Variants in SPTB observed in about 807,000 individuals in gnomAD.
SPTB encodes the protein spectrin beta, erythrocytic.
A neutral mutation model predicts 256.2 loss-of-function variants in SPTB; 45 were observed. The ratio of observed to expected loss-of-function variants is 0.18; its 90% CI spans 0.14 to 0.23. The LOEUF is 0.23. Among genes scored for constraint, SPTB ranks in the 10% least tolerant of loss-of-function variants. The probability of loss-of-function intolerance (pLI) is 1.00; values close to 1 mark genes in which losing one functional copy is unlikely to be tolerated. For missense variants in SPTB, 2,715 were observed against 3,040.4 expected, an observed-to-expected ratio of 0.89 and a Z score of 2.52; for synonymous variants, 1,231 against 1,243.1, an observed-to-expected ratio of 0.99 and a Z score of 0.21.
rs914033232 is a variant in SPTB, at chr14:64,823,302, C to T, written c.-51-157G>A. On this transcript the variant is annotated intron_variant, in intron 1 of 35. Transcript: ENST00000644917. The surrounding 1 kb of genome is among the most constrained non-coding windows in gnomAD (Gnocchi z 6.5). ...GTGCTTCCTACCAGGGTCTCTGGGT[C>T]GTTTGTTATAAAATATTGCAGCAGC... Among the ~76,000 whole-genome samples, 13 of 152,246 alleles carry T rather than the reference C, an allele frequency of 8.5e-5. No homozygotes were observed. Among genetic ancestry groups the T allele is most frequent in the South Asian group, 4.1e-4 (2 of 4,828 alleles).
chr14:64,859,718 CTCTA>C (rs2083932259), intron 1 of SPTB, among the ~76,000 whole-genome samples: 3 of 19,494 alleles, frequency 1.5e-4, no homozygotes, highest in African/African-American at 3.5e-4. Flanking sequence ...CTCTCTCTCT[CTCTA>C]TATATATATA....
chr14:64,871,121 G>C (rs10498519), intron 1 of SPTB, among the ~76,000 whole-genome samples: 15,382 of 152,206 alleles, frequency 0.1, 974 homozygotes, highest in Non-Finnish European at 0.14. Flanking sequence ...CATATACAAA[G>C]AAAGTTAATA....
chr14:64,870,429 T>A (rs1882461049), intron 1 of SPTB, among the ~76,000 whole-genome samples: 2 of 152,182 alleles, frequency 1.3e-5, no homozygotes, highest in Non-Finnish European at 2.9e-5. Context: ...ATTTTTTAGC[T>A]GAAATAAAAC....
intron 2 of SPTB, among the ~76,000 whole-genome samples, chr14:64,822,591 C>T (rs1163217760): frequency 6.6e-6 from 1 of 151,988 alleles, no homozygotes; most frequent in Non-Finnish European, 1.5e-5. Context: ...GGCAGGAAAT[C>T]GGGGTTAACC....
At position 64,767,683 on chromosome 14, in the gene SPTB, C is replaced by T. The variant is rs1327732912; in HGVS notation, c.6199G>A (p.Ala2067Thr). The T allele has an allele frequency of 6.2e-7, 1 of 1,614,058 alleles. No homozygotes were observed. The highest frequency in any genetic ancestry group is 8.5e-7 in the Non-Finnish European group (1 of 1,180,050). ...CTCACCGTGGTGGGCTTCTCCAGGG[C>T]AGCAAAGCGCTCTGCCCAGCTGGCC... ...STASWAERFA[A>T]LEKPTTLELK... is the part of the protein sequence containing the mutation. The change falls in exon 30 of 36, where the codon GCC (alanine) becomes ACC (threonine). Residue 2067 changes from alanine (A) to threonine (T), a missense_variant. Transcript: ENST00000644917.
rs779141940 is a variant in SPTB at position 64,793,276 on chromosome 14, C to T, written c.2387G>A (p.Arg796His). The change falls in exon 14 of 36, where the codon CGT becomes CAT. Residue 796 changes from arginine to histidine, a missense_variant. Around this residue, in one of 4 missense-constraint regions of SPTB, gnomAD observed 2,239 missense variants for 2,384.4 expected, o/e 0.94. Coordinates refer to ENST00000644917, the MANE Select transcript of SPTB (RefSeq NM_001355436.2). This position sits in a 1 kb window ranked among gnomAD's most constrained non-coding sequence, Gnocchi z 7.0. ...KDFLEELEES[R>H]GVMEHLEQQA... ...CTGCTCCAGGTGCTCCATCACCCCA[C>T]GGCTCTCCTCCAGCTCCTCCAGGAA... is the stretch of plus-strand genomic sequence containing the variant. 1.0e-4 allele frequency: 168 copies of T among 1,606,696 alleles called. No homozygotes were observed. The highest frequency in any genetic ancestry group is 3.3e-4 in the Middle Eastern group (2 of 6,084).
chr14:64,819,209 G>A (rs1420072226), intron 2 of SPTB, among the ~76,000 whole-genome samples: 1 of 152,196 alleles, frequency 6.6e-6, no homozygotes, highest in Non-Finnish European at 1.5e-5. Flanking sequence ...TCTGGAGAGA[G>A]GTCAGGTTTT....
chr14:64,878,397 G>T (rs1441139886), intron 1 of SPTB, among the ~76,000 whole-genome samples: 2 of 149,896 alleles, frequency 1.3e-5, no homozygotes, highest in African/African-American at 2.5e-5. Context: ...TTTGCACTTA[G>T]AAAAAAAAAG....
rs1009932408 is a variant in SPTB at position 64,816,628 on chromosome 14, G to C, written c.148+6319C>G. Among the ~76,000 whole-genome samples, 2 of 152,218 alleles carry C rather than the reference G, an allele frequency of 1.3e-5. No homozygotes were observed. The highest frequency in any genetic ancestry group is 3.8e-4 in the East Asian group (2 of 5,204). On this transcript the variant is annotated intron_variant, in intron 2 of 35. Transcript: ENST00000644917. This position sits in a 1 kb window ranked among gnomAD's most constrained non-coding sequence, Gnocchi z 4.2. ...TGATCTACCTCTGTCTCACTAGACT[G>C]TAAGATTCTCTGGTTGATCTACTTT...
rs2082058710 is a variant in SPTB, at chr14:64,759,133, G to GC, written c.6346-5341dup. Among the ~76,000 whole-genome samples, 1 of 152,230 alleles carries GC rather than the reference G, an allele frequency of 6.6e-6. No homozygotes were observed. Among genetic ancestry groups the GC allele is most frequent in the Non-Finnish European group, 1.5e-5 (1 of 68,046 alleles). On this transcript the variant is annotated intron_variant, in intron 32 of 35. Coordinates refer to ENST00000644917, the MANE Select transcript of SPTB (RefSeq NM_001355436.2). This position sits in a 1 kb window ranked among gnomAD's most constrained non-coding sequence, Gnocchi z 4.8. ...TGACGGGCTGAGATTAGAGCACACA[G>GC]CAAGTCAGTAGCAGAGCTGAGGCAA...
rs1369205072 is a variant in SPTB, at chr14:64,775,176, C to T, written c.4791G>A (p.Glu1597=). 1 of 1,613,988 alleles carries T rather than the reference C, an allele frequency of 6.2e-7. No homozygotes were observed. The highest frequency in any genetic ancestry group is 8.5e-7 in the Non-Finnish European group (1 of 1,180,042). ...QQYYLDADEA[E]AWIGEQELYV... is the part of the protein sequence containing the mutation. The stretch of plus-strand genomic sequence containing the variant: ...AGAGCTCCTGCTCGCCAATCCAGGC[C>T]TCAGCCTCGTCTGCATCCAGGTAGT... The change falls in exon 23 of 36, where the codon GAG becomes GAA. Residue 1597 remains glutamate (E), a synonymous_variant. Coordinates refer to ENST00000644917, the MANE Select transcript of SPTB (RefSeq NM_001355436.2). This position sits in a 1 kb window ranked among gnomAD's most constrained non-coding sequence, Gnocchi z 5.0.
In SPTB at chr14:64,775,150, T is replaced by C. The variant is rs527302642; in HGVS notation, c.4817A>G (p.Tyr1606Cys). 13 of 1,613,852 alleles carry C rather than the reference T, an allele frequency of 8.1e-6. No homozygotes were observed. The highest frequency in any genetic ancestry group is 1.1e-5 in the Non-Finnish European group (13 of 1,180,040). ...AEAWIGEQEL[Y>C]VISDEIPKDE... ...CTTGGGGATCTCATCGGAGATGACG[T>C]AGAGCTCCTGCTCGCCAATCCAGGC... The change falls in exon 23 of 36, where the codon TAC becomes TGC. Residue 1606 changes from tyrosine to cysteine, a missense_variant. Physicochemically the swap from Tyr to Cys is radical, Grantham distance 194. Around this residue, in one of 4 missense-constraint regions of SPTB, gnomAD observed 2,239 missense variants for 2,384.4 expected, o/e 0.94. Coordinates refer to ENST00000644917, the MANE Select transcript of SPTB (RefSeq NM_001355436.2). The surrounding 1 kb of genome is among the most constrained non-coding windows in gnomAD (Gnocchi z 5.0).
intron 32 of SPTB, chr14:64,766,442 A>C (rs541755360): frequency 7.1e-7 from 1 of 1,415,218 alleles, no homozygotes; most frequent in East Asian, 2.6e-5. Context: ...TATACAATAA[A>C]ATTTATTACA....
rs545497319 is a variant in SPTB at position 64,794,362 on chromosome 14, G to C, written c.1795+105C>G. ...GGACCATTACTTGATGAAAGTAACA[G>C]AACTTTAAAGTTGGTTCCAGGAGAT... is the stretch of plus-strand genomic sequence containing the variant. On this transcript the variant is annotated intron_variant, in intron 13 of 35. Coordinates refer to ENST00000644917, the MANE Select transcript of SPTB (RefSeq NM_001355436.2). 11 of 1,455,380 alleles carry C rather than the reference G, an allele frequency of 7.6e-6. No homozygotes were observed. The East Asian group carries it at 2.5e-4, about 33-fold the overall frequency. The allele number at this position is 1,455,380 out of a possible 1,614,324, so 90.2% of individuals were successfully genotyped here. A position where few individuals can be genotyped will look rare whatever the true frequency, so the allele number is the denominator to read the frequency against.
At position 64,782,460 on chromosome 14, in the gene SPTB, C is replaced by G. The variant is rs753842456; in HGVS notation, c.4096G>C (p.Ala1366Pro). 37 of 1,614,106 alleles carry G rather than the reference C, an allele frequency of 2.3e-5. No individual in the cohort carries two copies. The highest frequency in any genetic ancestry group is 3.1e-5 in the Non-Finnish European group (36 of 1,180,040). The change falls in exon 20 of 36, where the codon GCC becomes CCC. Residue 1366 changes from alanine to proline, a missense_variant. By Grantham distance (27) the Ala-to-Pro change is conservative. Coordinates refer to ENST00000644917, the MANE Select transcript of SPTB (RefSeq NM_001355436.2). ...TGCTGGGTCTTCTCCTTTGTGGTGG[C>G]CTGCAGCTCGTCCCAGAGCCGGTGC... ...ALHRLWDELQATTKEKTQHLS... is the reference protein window; with the variant it reads ...ALHRLWDELQPTTKEKTQHLS...
chr14:64,750,367 G>C, intron 33 of SPTB: 2 of 538,234 alleles, frequency 3.7e-6, no homozygotes, highest in South Asian at 3.4e-5. Flanking sequence ...TCACATTTTC[G>C]CATTTTTTTT....
chr14:64,810,511 C>T (rs2083068287), intron 2 of SPTB, among the ~76,000 whole-genome samples: 2 of 152,114 alleles, frequency 1.3e-5, no homozygotes, highest in Admixed American at 1.3e-4. Context: ...GAAACGCCGT[C>T]TCTACTAAAA....
intron 1 of SPTB, among the ~76,000 whole-genome samples, chr14:64,834,793 CA>C (rs34654100): frequency 0.24 from 36,454 of 152,010 alleles, 6,033 homozygotes; most frequent in African/African-American, 0.46. Context: ...TTTCCTCACC[CA>C]AAAAAATTGA....
At chr14:64,783,450 C>T (rs189061665) in intron 19 of SPTB, among the ~76,000 whole-genome samples, 159 of 152,308 alleles carry the variant, frequency 1.0e-3, no homozygotes, top group Non-Finnish European at 1.4e-3. Flanking sequence ...GATCCGCCCA[C>T]CTCAGCCTCC....
Sources: allele counts gnomAD v4.1 joint callset (sites outside exome capture counted in the v4.1 genomes callset), GRCh38; gene constraint gnomAD v4.1.1; regional missense constraint gnomAD v4.1.1; non-coding constraint Gnocchi (gnomAD v3.1); transcripts MANE v1.5; gene names NCBI Gene and HGNC (gene_info 2026-07-23, HGNC 2026-07-21).